The following TRIP11 variants were observed in gnomAD, a reference collection of about 807,000 sequenced individuals.
TRIP11 encodes the protein thyroid hormone receptor interactor 11, also known as thyroid receptor-interacting protein 11.
Under a neutral mutation model 223.1 loss-of-function variants are expected in TRIP11, and 148 were observed. That is an observed-to-expected ratio of 0.66 (90% CI 0.58 to 0.76). The LOEUF (loss-of-function observed/expected upper bound fraction) is 0.76, where lower values mean the gene tolerates loss of function less well. Among genes scored for constraint, TRIP11 ranks in the 30% least tolerant of loss-of-function variants. TRIP11 has a pLI of 0.00. For missense variants in TRIP11, 2,043 were observed against 2,222.0 expected, an observed-to-expected ratio of 0.92 and a Z score of 1.62; for synonymous variants, 762 against 772.6, an observed-to-expected ratio of 0.99 and a Z score of 0.23.
rs375845097 is a variant in TRIP11 at position 92,004,559 on chromosome 14, T to C, written c.3417A>G (p.Glu1139=). The C allele has an allele frequency of 1.1e-5, 18 of 1,613,496 alleles. No individual in the cohort carries two copies. The highest frequency in any genetic ancestry group is 1.6e-4 in the Middle Eastern group (1 of 6,080). The part of the protein sequence containing the change: ...KEAALIKLQD[E]NKKLSTRFES... Reference sequence around the variant, plus strand: ...CAAATCTAGTGGACAATTTTTTATTTTCATCTTGCAGTTTGATAAGAGCTG... The same window carrying C: ...CAAATCTAGTGGACAATTTTTTATTCTCATCTTGCAGTTTGATAAGAGCTG... Residue 1139 remains glutamate (E), a synonymous_variant, in exon 11 of 21, where the codon GAA becomes GAG. Transcript: ENST00000267622.
chr14:92,018,960 C>CAAAAAAAAA (rs567152333), intron 4 of TRIP11, among the ~76,000 whole-genome samples: 2 of 70,890 alleles, frequency 2.8e-5, no homozygotes, highest in Non-Finnish European at 5.6e-5. Flanking sequence ...GACTCCATCT[C>CAAAAAAAAA]AAAAAAAAAA....
At chr14:92,017,437 A>G (rs943795903) in intron 5 of TRIP11, among the ~76,000 whole-genome samples, 4 of 152,162 alleles carry the variant, frequency 2.6e-5, no homozygotes, top group Non-Finnish European at 5.9e-5. Flanking sequence ...AGTCCCAGTT[A>G]CATGGGAAGC....
intron 16 of TRIP11, among the ~76,000 whole-genome samples, chr14:91,979,022 C>T (rs866416080): frequency 5.9e-5 from 9 of 151,980 alleles, no homozygotes; most frequent in East Asian, 1.9e-4. Context: ...TTTGCGAGGC[C>T]GAGGTAAGCA....
chr14:92,029,292 T>TA (rs2057231661), intron 2 of TRIP11, among the ~76,000 whole-genome samples: 4 of 72,396 alleles, frequency 5.5e-5, no homozygotes, highest in Admixed American at 1.9e-4. Context: ...TTTTTTTTTT[T>TA]TTTTTTTTTT....
intron 3 of TRIP11, among the ~76,000 whole-genome samples, chr14:92,022,114 T>A (rs1426788240): frequency 1.3e-5 from 2 of 152,374 alleles, no homozygotes; most frequent in East Asian, 3.9e-4. Context: ...GGGTTTGCTA[T>A]CTTCTCTGCA....
At position 92,021,789 on chromosome 14, in the gene TRIP11, C is replaced by A; in HGVS notation, c.355G>T (p.Asp119Tyr). 3.1e-6 allele frequency: 5 copies of A among 1,614,136 alleles called. No individual in the cohort carries two copies. Among genetic ancestry groups the A allele is most frequent in the Non-Finnish European group, 4.2e-6 (5 of 1,180,016 alleles). Residue 119 changes from aspartate (D) to tyrosine (Y), a missense_variant, in exon 4 of 21, where the codon GAT becomes TAT. By Grantham distance (160) the Asp-to-Tyr change is radical (BLOSUM62 -3). Transcript: ENST00000267622. Reference sequence around the variant, plus strand: ...GCTGACTGCAGTTTCAGCAACTGATCCTGGAGTGCAATCTGTCTGGCTTTA... The same window carrying A: ...GCTGACTGCAGTTTCAGCAACTGATACTGGAGTGCAATCTGTCTGGCTTTA... ...HLKARQIALQ[D>Y]QLLKLQSAAQ...
chr14:92,002,278 T>C (rs1252215357), intron 11 of TRIP11, among the ~76,000 whole-genome samples: 4 of 152,162 alleles, frequency 2.6e-5, no homozygotes, highest in African/African-American at 4.8e-5. Context: ...AATTTAAATA[T>C]TATCAAAAGC....
chr14:91,978,450 T>C lies in TRIP11; in HGVS notation c.5261-2261A>G, dbSNP rs767732084. Among the ~76,000 whole-genome samples the C allele has an allele frequency of 2.0e-5, 3 of 152,210 alleles. No homozygotes were observed. Among genetic ancestry groups the C allele is most frequent in the Non-Finnish European group, 2.9e-5 (2 of 68,036 alleles). On this transcript the variant is annotated intron_variant, in intron 16 of 20. Transcript: ENST00000267622. The surrounding 1 kb of genome is among the most constrained non-coding windows in gnomAD (Gnocchi z 4.4). ...TTTCCTCTAAAATTAGTAATTTGTA[T>C]ATTGATTACATGTCTATATAATAAT...
chr14:92,025,804 C>T (rs1195560256), intron 2 of TRIP11, among the ~76,000 whole-genome samples: 2 of 149,086 alleles, frequency 1.3e-5, no homozygotes, highest in East Asian at 2.0e-4. Flanking sequence ...TGCTTGAACC[C>T]GGGAGGCGGA....
rs1191783435 is a variant in TRIP11 at position 92,003,696 on chromosome 14, T to C, written c.4280A>G (p.Asn1427Ser). ...KAKSDQLLSS[N>S]ENFTNKVNEN... ...ATTTACTTTGTTAGTGAAATTTTCA[T>C]TGGAAGAAAGTAGTTGATCACTTTT... The change falls in exon 11 of 21, where the codon AAT becomes AGT. Residue 1427 changes from asparagine to serine, a missense_variant. Asn to Ser is a conservative substitution (Grantham distance 46, BLOSUM62 1). Transcript: ENST00000267622. 3.1e-6 allele frequency: 5 copies of C among 1,614,174 alleles called. No homozygotes were observed. Among genetic ancestry groups the C allele is most frequent in the Admixed American group, 3.3e-5 (2 of 60,018 alleles).
rs79435937 is a variant in TRIP11 at position 91,985,491 on chromosome 14, A to G, written c.5260+2793T>C. 5.1e-3 allele frequency among the ~76,000 whole-genome samples: 777 copies of G among 152,298 alleles called. 3 individuals are homozygous for G. Among genetic ancestry groups the G allele is most frequent in the Non-Finnish European group, 8.0e-3 (543 of 68,022 alleles). ...ATTATTTGCAACAGCTCTCTTTTTC[A>G]TATGTTTGACCAGACTGAATCATCT... On this transcript the variant is annotated intron_variant, in intron 16 of 20. Transcript: ENST00000267622.
chr14:91,972,762 G>A lies in TRIP11; in HGVS notation c.5674C>T (p.Pro1892Ser), dbSNP rs778273944. ...TTTGTATCTCTTTTTCTTCTTCCTG[G>A]TGAATCCAGAGGTTTCATATCATGA... ...SVHDMKPLDS[P>S]GRRKRDTNAP... The change falls in exon 20 of 21, where the codon CCA (proline) becomes TCA (serine). Residue 1892 changes from proline (P) to serine (S), a missense_variant. By Grantham distance (74) the Pro-to-Ser change is moderately conservative. Coordinates refer to ENST00000267622, the MANE Select transcript of TRIP11 (RefSeq NM_004239.4). 3.1e-6 allele frequency: 5 copies of A among 1,611,888 alleles called. No homozygotes were observed. The highest frequency in any genetic ancestry group is 4.2e-6 in the Non-Finnish European group (5 of 1,179,234).
intron 1 of TRIP11, among the ~76,000 whole-genome samples, chr14:92,039,096 C>A (rs1425803618): frequency 1.3e-5 from 2 of 152,024 alleles, no homozygotes; most frequent in Non-Finnish European, 2.9e-5. Context: ...ATACTCAAGA[C>A]AGAAAAGAGC....
intron 7 of TRIP11, among the ~76,000 whole-genome samples, chr14:92,013,223 T>A (rs1014536509): frequency 2.0e-5 from 3 of 152,026 alleles, no homozygotes; most frequent in Non-Finnish European, 4.4e-5. Flanking sequence ...ACCGAGATCG[T>A]GCCACTGCAC....
chr14:92,024,676 C>T (rs1293111202), intron 3 of TRIP11, among the ~76,000 whole-genome samples: 1 of 152,030 alleles, frequency 6.6e-6, no homozygotes, highest in African/African-American at 2.4e-5. Flanking sequence ...GAAAAACATC[C>T]AAATGATCTG....
intron 3 of TRIP11, among the ~76,000 whole-genome samples, chr14:92,023,268 C>T (rs74071818): frequency 0.013 from 1,999 of 152,236 alleles, 29 homozygotes; most frequent in African/African-American, 0.045. Flanking sequence ...GTTGAGTATC[C>T]TTATCCGAAT....
At chr14:91,972,634 T>A in intron 20 of TRIP11, 83 bp downstream of exon 20, 1 of 1,406,160 alleles carries the variant, frequency 7.1e-7, no homozygotes, top group Non-Finnish European at 9.7e-7. Context: ...ATACTAAAAA[T>A]TTAGTTAATA....
chr14:91,994,772 G>A (rs1196419074), intron 14 of TRIP11, among the ~76,000 whole-genome samples: 1 of 152,206 alleles, frequency 6.6e-6, no homozygotes, highest in Non-Finnish European at 1.5e-5. Context: ...AGGATAGGAG[G>A]TAGAATGTGA....
At chr14:92,026,500 C>T (rs1207137008) in intron 2 of TRIP11, 6 of 964,646 alleles carry the variant, frequency 6.2e-6, no homozygotes, top group East Asian at 2.5e-5. Context: ...GCAGCTTTAT[C>T]GCCAGAGTCC....
Sources: allele counts gnomAD v4.1 joint callset (sites outside exome capture counted in the v4.1 genomes callset), GRCh38; gene constraint gnomAD v4.1.1; non-coding constraint Gnocchi (gnomAD v3.1); transcripts MANE v1.5; gene names NCBI Gene and HGNC (gene_info 2026-07-23, HGNC 2026-07-21).